The following NRCAM variants were observed in gnomAD, a reference collection of about 807,000 sequenced individuals.
NRCAM encodes neuronal cell adhesion molecule.
In NRCAM, 83 loss-of-function variants were observed where a neutral mutation model predicts 156.5. That is an observed-to-expected ratio of 0.53 (90% CI 0.44 to 0.64). NRCAM has a LOEUF of 0.64. NRCAM is among the 30% of genes least tolerant of loss of function. NRCAM has a pLI of 0.00. For synonymous variants in NRCAM, 538 were observed against 563.9 expected (o/e 0.95, Z 0.65); for missense variants, 1,417 against 1,597.3 (o/e 0.89, Z 1.92).
intron 1 of NRCAM, among the ~76,000 whole-genome samples, chr7:108,400,535 C>T (rs960464061): frequency 6.6e-6 from 1 of 152,158 alleles, no homozygotes; most frequent in Non-Finnish European, 1.5e-5. Context: ...GGTGGAATGG[C>T]ACGCAACTGT....
chr7:108,195,982 A>C, intron 14 of NRCAM, 110 bp from the exon 15 acceptor site: 2 of 720,256 alleles, frequency 2.8e-6, no homozygotes, highest in South Asian at 3.3e-5. Flanking sequence ...AAGCACAAGC[A>C]ATCTATCTCT....
chr7:108,259,510 T>C (rs546503920), intron 3 of NRCAM, among the ~76,000 whole-genome samples: 71 of 152,152 alleles, frequency 4.7e-4, no homozygotes, highest in African/African-American at 1.4e-3. Flanking sequence ...CCTGAAGAAA[T>C]AGAAATCATT....
intron 2 of NRCAM, among the ~76,000 whole-genome samples, chr7:108,339,728 A>AGAGGAAAGGAATAAGCATTAGGACCG (rs2099252901): frequency 6.6e-6 from 1 of 152,180 alleles, no homozygotes; most frequent in African/African-American, 2.4e-5. Context: ...CATTAGGACC[A>AGAGGAAAGGAATAAGCATTAGGACCG]TAGAGGACGC....
intron 4 of NRCAM, among the ~76,000 whole-genome samples, chr7:108,238,210 A>G (rs2095264344): frequency 6.6e-6 from 1 of 152,214 alleles, no homozygotes; most frequent in African/African-American, 2.4e-5. Flanking sequence ...TAACAATGGG[A>G]CATTGCTACA....
chr7:108,226,351 C>T lies in NRCAM; in HGVS notation c.578G>A (p.Arg193Lys). 6.2e-7 allele frequency: 1 copy of T among 1,612,922 alleles called. No individual in the cohort carries two copies. Among genetic ancestry groups the T allele is most frequent in the Non-Finnish European group, 8.5e-7 (1 of 1,179,316 alleles). Reference protein sequence around the residue: ...NSFQRLPQSERVSQGLNGDLY... With the variant: ...NSFQRLPQSEKVSQGLNGDLY... ...GTCCCCATTCAAACCTTGAGAAACT[C>T]TCTCACTTTGTGGAAGTCTTTGAAA... The change falls in exon 9 of 33, where the codon AGA becomes AAA. Residue 193 changes from arginine to lysine, a missense_variant. Around this residue, in one of 2 missense-constraint regions of NRCAM, gnomAD observed 1,238 missense variants for 1,336.4 expected, o/e 0.93. Transcript: ENST00000379028.
chr7:108,355,079 A>G (rs7794233), intron 2 of NRCAM, among the ~76,000 whole-genome samples: 14,073 of 152,258 alleles, frequency 0.092, 752 homozygotes, highest in African/African-American at 0.15. Context: ...ATAAGAATTG[A>G]AGCCTTATTA....
intron 1 of NRCAM, among the ~76,000 whole-genome samples, chr7:108,455,385 C>CTCCTGGCTCA (rs1855775431): frequency 6.6e-6 from 1 of 152,172 alleles, no homozygotes; most frequent in South Asian, 2.1e-4. Context: ...TGGCTCAACA[C>CTCCTGGCTCA]AGCATCCCGG....
intron 2 of NRCAM, among the ~76,000 whole-genome samples, chr7:108,377,706 G>T (rs1228147612): frequency 6.6e-6 from 1 of 152,154 alleles, no homozygotes; most frequent in African/African-American, 2.4e-5. Context: ...GTACCACTGA[G>T]AATTGACAGC....
intron 2 of NRCAM, among the ~76,000 whole-genome samples, chr7:108,334,624 T>C (rs138102384): frequency 1.3e-5 from 2 of 152,208 alleles, no homozygotes; most frequent in Non-Finnish European, 2.9e-5. Context: ...ATTTGCCCCA[T>C]GACAATTTAG....
At chr7:108,159,335 A>C in intron 32 of NRCAM, 128 bp downstream of exon 32, 1 of 806,554 alleles carries the variant, frequency 1.2e-6, no homozygotes, top group Non-Finnish European at 2.2e-6. Flanking sequence ...TGATACATGG[A>C]AGTATCCCTA....
intron 2 of NRCAM, chr7:108,328,400 A>G (rs1257081298): frequency 6.6e-6 from 1 of 152,232 alleles, no homozygotes; most frequent in Non-Finnish European, 1.5e-5. Flanking sequence ...CATAAAGTAC[A>G]TAAACAAGCA....
At chr7:108,442,651 C>T (rs1839926287) in intron 1 of NRCAM, among the ~76,000 whole-genome samples, 1 of 152,176 alleles carries the variant, frequency 6.6e-6, no homozygotes, top group African/African-American at 2.4e-5. Flanking sequence ...TCACTGGTCC[C>T]ATGCTAGTAC....
chr7:108,180,111 C>A, intron 25 of NRCAM, 112 bp downstream of exon 25: 1 of 836,106 alleles, frequency 1.2e-6, no homozygotes, highest in Admixed American at 2.6e-5. Flanking sequence ...ATAGAAATTT[C>A]AATCACATTT....
intron 3 of NRCAM, among the ~76,000 whole-genome samples, chr7:108,299,108 A>AGAAAGAAAGAAAAG (rs1371407131): frequency 2.4e-5 from 2 of 82,194 alleles, no homozygotes; most frequent in African/African-American, 9.7e-5. Context: ...TCCATCTCAA[A>AGAAAGAAAGAAAAG]AAAAAAAAAG....
intron 13 of NRCAM, among the ~76,000 whole-genome samples, chr7:108,204,328 T>C (rs1048070261): frequency 6.6e-6 from 1 of 152,224 alleles, no homozygotes; most frequent in African/African-American, 2.4e-5. Context: ...GTTGAAGACT[T>C]AGCATCCACC....
intron 30 of NRCAM, among the ~76,000 whole-genome samples, chr7:108,163,289 C>A (rs147961152): frequency 6.6e-6 from 1 of 152,248 alleles, no homozygotes; most frequent in African/African-American, 2.4e-5. Context: ...TGGAAGTCAG[C>A]TTTACAACAG....
intron 3 of NRCAM, among the ~76,000 whole-genome samples, chr7:108,302,260 T>C (rs2098637721): frequency 6.6e-6 from 1 of 152,190 alleles, no homozygotes; most frequent in African/African-American, 2.4e-5. Flanking sequence ...GATCACTCTT[T>C]GAGAAAATAA....
intron 30 of NRCAM, among the ~76,000 whole-genome samples, chr7:108,163,799 G>T (rs1465414322): frequency 7.4e-6 from 1 of 135,850 alleles, no homozygotes; most frequent in Non-Finnish European, 1.6e-5. Context: ...AGGTCATACC[G>T]GGTGGGGTGG....
At chr7:108,438,470 A>T (rs1330436833) in intron 1 of NRCAM, among the ~76,000 whole-genome samples, 1 of 152,208 alleles carries the variant, frequency 6.6e-6, no homozygotes, top group Non-Finnish European at 1.5e-5. Context: ...TGATAAAAAA[A>T]ATCTCAACAA....
Sources: allele counts gnomAD v4.1 joint callset (sites outside exome capture counted in the v4.1 genomes callset), GRCh38; gene constraint gnomAD v4.1.1; regional missense constraint gnomAD v4.1.1; transcripts MANE v1.5; gene names NCBI Gene and HGNC (gene_info 2026-07-23, HGNC 2026-07-21).